SLC16A10: variants seen among roughly 807,000 people sequenced by gnomAD.
SLC16A10 encodes the protein monocarboxylate transporter 10.
A neutral mutation model predicts 40.0 loss-of-function variants in SLC16A10; 27 were observed. That is an observed-to-expected ratio of 0.67 (90% CI 0.50 to 0.93). The LOEUF (loss-of-function observed/expected upper bound fraction) is 0.93. Ranked by LOEUF, SLC16A10 falls within the 40% of genes least tolerant of loss-of-function variation. The pLI, the probability that SLC16A10 is intolerant of heterozygous loss-of-function variation, is 0.00. For missense variants in SLC16A10, 529 were observed against 658.2 expected (o/e 0.80, Z 2.15); for synonymous variants, 213 against 249.8 (o/e 0.85, Z 1.39).
intron 3 of SLC16A10, among the ~76,000 whole-genome samples, chr6:111,189,810 C>G (rs1298648366): frequency 1.3e-5 from 2 of 152,190 alleles, no homozygotes; most frequent in Non-Finnish European, 2.9e-5. Flanking sequence ...CTCCCACCAG[C>G]TTGCTCCCAT....
intron 1 of SLC16A10, among the ~76,000 whole-genome samples, chr6:111,089,306 A>G (rs910766363): frequency 6.6e-6 from 1 of 152,192 alleles, no homozygotes; most frequent in Non-Finnish European, 1.5e-5. Flanking sequence ...ATTCCGCATC[A>G]TGTTTGTGAC....
intron 2 of SLC16A10, among the ~76,000 whole-genome samples, chr6:111,176,222 A>G (rs916336857): frequency 6.6e-6 from 1 of 152,142 alleles, no homozygotes; most frequent in African/African-American, 2.4e-5. Context: ...AACATGCCTT[A>G]ATTTTATCAG....
Position 111,225,501 on chromosome 6 carries a change from G to C in SLC16A10, c.*3266G>C, listed in dbSNP as rs919689122. On this transcript the variant is annotated 3_prime_UTR_variant, in exon 6 of 6. Transcript: ENST00000368851. The stretch of plus-strand genomic sequence containing the variant: ...GGAGGCAGAGGTTGCAGTGAGGCGA[G>C]ATTGCGCCACTGCACTCCAGCCTGG... The C allele has an allele frequency of 6.9e-6, 1 of 145,366 alleles. No individual in the cohort carries two copies. Among genetic ancestry groups the C allele is most frequent in the Non-Finnish European group, 1.5e-5 (1 of 67,318 alleles). 9.0% of individuals were successfully genotyped at this position (145,366 alleles called of 1,614,324 possible). A position where few individuals can be genotyped will look rare whatever the true frequency, so the allele number is the denominator to read the frequency against.
intron 1 of SLC16A10, among the ~76,000 whole-genome samples, chr6:111,170,210 C>T (rs1231257720): frequency 2.6e-5 from 4 of 151,934 alleles, no homozygotes; most frequent in Admixed American, 2.6e-4. Context: ...GCCACCATGC[C>T]CGGCCAAGGT....
intron 2 of SLC16A10, among the ~76,000 whole-genome samples, chr6:111,175,802 C>T (rs1028770344): frequency 3.3e-5 from 5 of 151,828 alleles, no homozygotes; most frequent in Admixed American, 2.6e-4. Flanking sequence ...GGGTTCAAGC[C>T]GTCCTCCTGC....
intron 1 of SLC16A10, among the ~76,000 whole-genome samples, chr6:111,157,263 G>A (rs186521687): frequency 2.4e-3 from 360 of 152,016 alleles, no homozygotes; most frequent in Non-Finnish European, 4.7e-3. Flanking sequence ...CATTTTGATC[G>A]TACTATTGAG....
chr6:111,091,329 A>C (rs547882823), intron 1 of SLC16A10: 3 of 152,298 alleles, frequency 2.0e-5, no homozygotes, highest in Admixed American at 2.0e-4. Flanking sequence ...TGAAGCAAGC[A>C]CCAGGAGCTG....
intron 4 of SLC16A10, among the ~76,000 whole-genome samples, chr6:111,215,632 A>G (rs1464011268): frequency 1.3e-5 from 2 of 152,196 alleles, no homozygotes; most frequent in Non-Finnish European, 2.9e-5. Flanking sequence ...GTGATTATAG[A>G]TATGTTTCTA....
chr6:111,220,200 A>G (rs1234665875), intron 5 of SLC16A10, among the ~76,000 whole-genome samples: 1 of 152,228 alleles, frequency 6.6e-6, no homozygotes, highest in African/African-American at 2.4e-5. Context: ...AGGGATTGGG[A>G]AGTAACTACT....
At chr6:111,216,596 T>TA (rs1773426246) in intron 4 of SLC16A10, among the ~76,000 whole-genome samples, 1 of 149,206 alleles carries the variant, frequency 6.7e-6, no homozygotes, top group South Asian at 2.1e-4. Context: ...TTTGTATTTT[T>TA]AGTAGAGACG....
chr6:111,184,467 A>G (rs949118079), intron 3 of SLC16A10, among the ~76,000 whole-genome samples: 2 of 151,794 alleles, frequency 1.3e-5, no homozygotes, highest in Non-Finnish European at 2.9e-5. Flanking sequence ...CTTCAAGTCC[A>G]CTAGTAATTG....
At chr6:111,207,412 G>A (rs1773272740) in intron 4 of SLC16A10, among the ~76,000 whole-genome samples, 1 of 152,116 alleles carries the variant, frequency 6.6e-6, no homozygotes, top group South Asian at 2.1e-4. Flanking sequence ...TCGTGTTTTG[G>A]GGTGAGCATA....
chr6:111,208,005 G>A (rs1027385027), intron 4 of SLC16A10, among the ~76,000 whole-genome samples: 4 of 152,004 alleles, frequency 2.6e-5, no homozygotes, highest in Non-Finnish European at 2.9e-5. Context: ...GTGTCACTCC[G>A]TTTCCCAGGC....
chr6:111,115,006 A>C (rs957559732), intron 1 of SLC16A10, among the ~76,000 whole-genome samples: 1 of 151,788 alleles, frequency 6.6e-6, no homozygotes, highest in Non-Finnish European at 1.5e-5. Context: ...AAGTTGCAGA[A>C]GCCTGTATGT....
At chr6:111,125,616 TTAAA>T (rs1771662113) in intron 1 of SLC16A10, among the ~76,000 whole-genome samples, 1 of 152,216 alleles carries the variant, frequency 6.6e-6, no homozygotes, top group South Asian at 2.1e-4. Context: ...TTTTCTGTGG[TTAAA>T]TAAATATCCT....
At chr6:111,186,496 G>A (rs764669751) in intron 3 of SLC16A10, among the ~76,000 whole-genome samples, 4 of 152,162 alleles carry the variant, frequency 2.6e-5, no homozygotes, top group Non-Finnish European at 5.9e-5. Flanking sequence ...TATACTAAAT[G>A]GCTTTTGCCT....
At chr6:111,174,804 T>C (rs1056595634) in intron 2 of SLC16A10, among the ~76,000 whole-genome samples, 4 of 152,194 alleles carry the variant, frequency 2.6e-5, no homozygotes, top group African/African-American at 9.6e-5. Flanking sequence ...ATCTACTACC[T>C]AGTTTGTTAA....
intron 3 of SLC16A10, among the ~76,000 whole-genome samples, chr6:111,198,687 G>A (rs1255361534): frequency 2.0e-5 from 3 of 152,148 alleles, no homozygotes; most frequent in African/African-American, 4.8e-5. Flanking sequence ...TTATATATGT[G>A]GCTCATCTTT....
chr6:111,172,754 T>C lies in SLC16A10; in HGVS notation c.403T>C (p.Phe135Leu). 1 of 1,614,204 alleles carries C rather than the reference T, an allele frequency of 6.2e-7. No individual in the cohort carries two copies. The highest frequency in any genetic ancestry group is 1.1e-5 in the South Asian group (1 of 91,082). Residue 135 changes from phenylalanine (F) to leucine (L), a missense_variant, in exon 2 of 6, where the codon TTC becomes CTC. Physicochemically the swap from Phe to Leu is conservative, Grantham distance 22. Transcript: ENST00000368851. ...CTTTTGCTGCCCAATAGTCAGCGTC[T>C]TCACAGACCTATTTGGTTGTCGGAA... ...IFFCCPIVSVFTDLFGCRKTA... is the reference protein window; with the variant it reads ...IFFCCPIVSVLTDLFGCRKTA...
Sources: gnomAD v4.1 joint callset for allele counts (sites outside exome capture counted in the v4.1 genomes callset) on GRCh38, gnomAD v4.1.1 for gene constraint, MANE v1.5 for transcripts, NCBI Gene and HGNC (gene_info 2026-07-23, HGNC 2026-07-21) for gene names.